The following GRAMD4 variants were observed in gnomAD, a reference collection of about 807,000 sequenced individuals.
GRAMD4 encodes GRAM domain-containing protein 4.
Under a neutral mutation model 83.9 loss-of-function variants are expected in GRAMD4, and 25 were observed. That is an observed-to-expected ratio of 0.30 (90% CI 0.22 to 0.42). The LOEUF is 0.42. GRAMD4 is among the 10% of genes least tolerant of loss of function. GRAMD4 has a pLI of 1.00. For synonymous variants in GRAMD4, 336 were observed against 320.9 expected, an observed-to-expected ratio of 1.05 and a Z score of -0.50; for missense variants, 593 against 788.7, an observed-to-expected ratio of 0.75 and a Z score of 2.97.
intron 3 of GRAMD4, among the ~76,000 whole-genome samples, chr22:46,640,258 G>T (rs2081956508): frequency 6.6e-6 from 1 of 152,168 alleles, no homozygotes; most frequent in Non-Finnish European, 1.5e-5. Flanking sequence ...CACTTTCAGG[G>T]AGCAGGTGCT....
At chr22:46,592,866 A>G (rs868684079) in intron 1 of GRAMD4, among the ~76,000 whole-genome samples, 9 of 152,308 alleles carry the variant, frequency 5.9e-5, no homozygotes, top group Middle Eastern at 6.8e-3. Context: ...AATTTTGGCA[A>G]TAAAAAGAGC....
At chr22:46,669,465 G>A (rs928329958) in intron 13 of GRAMD4, among the ~76,000 whole-genome samples, 2 of 152,246 alleles carry the variant, frequency 1.3e-5, no homozygotes, top group South Asian at 4.1e-4. Flanking sequence ...CCCAGGAGGC[G>A]CTCATCCACT....
intron 1 of GRAMD4, among the ~76,000 whole-genome samples, chr22:46,624,965 A>G (rs2081633622): frequency 6.8e-6 from 1 of 147,618 alleles, no homozygotes; most frequent in Admixed American, 6.9e-5. Flanking sequence ...GGTTCATGCC[A>G]TTCTCCTGCC....
At chr22:46,607,476 C>T (rs924340987) in intron 1 of GRAMD4, among the ~76,000 whole-genome samples, 9 of 152,234 alleles carry the variant, frequency 5.9e-5, no homozygotes, top group Middle Eastern at 3.4e-3. Context: ...GAGTCAGGTG[C>T]GGCCAGGAGG....
At chr22:46,675,358 C>T (rs1223940091) in intron 16 of GRAMD4, 110 bp from the exon 17 acceptor site, 2 of 763,382 alleles carry the variant, frequency 2.6e-6, no homozygotes, top group Non-Finnish European at 4.8e-6. Flanking sequence ...GAAGGGAGCA[C>T]CACTGTCCAT....
At chr22:46,577,300 G>A in intron 1 of GRAMD4, 1 of 980,144 alleles carries the variant, frequency 1.0e-6, no homozygotes, top group Middle Eastern at 5.2e-4. Context: ...GGTAAGCGGC[G>A]CGCGCGGACA....
intron 1 of GRAMD4, among the ~76,000 whole-genome samples, chr22:46,583,175 C>T (rs1055365942): frequency 2.0e-5 from 3 of 152,208 alleles, no homozygotes; most frequent in African/African-American, 4.8e-5. Flanking sequence ...CCATTCGCTT[C>T]GGTCTCTCAA....
intron 1 of GRAMD4, among the ~76,000 whole-genome samples, chr22:46,625,744 C>G (rs184390782): frequency 6.6e-6 from 1 of 152,354 alleles, no homozygotes; most frequent in East Asian, 1.9e-4. Flanking sequence ...CCTCTCCCTG[C>G]CTGGCTGGCC....
chr22:46,671,424 A>T (rs548304797), intron 13 of GRAMD4, among the ~76,000 whole-genome samples: 448 of 152,268 alleles, frequency 2.9e-3, no homozygotes, highest in African/African-American at 0.01. Flanking sequence ...CAGTGAGCTG[A>T]GATCGCGCCA....
intron 1 of GRAMD4, among the ~76,000 whole-genome samples, chr22:46,598,399 T>A (rs536520098): frequency 1.1e-3 from 163 of 151,494 alleles, no homozygotes; most frequent in Non-Finnish European, 1.8e-3. Flanking sequence ...GAGGGAGGGG[T>A]GGATGGACTG....
intron 3 of GRAMD4, among the ~76,000 whole-genome samples, chr22:46,643,291 CCATT>C (rs2082016531): frequency 1.4e-5 from 2 of 140,020 alleles, no homozygotes; most frequent in Admixed American, 7.1e-5. Context: ...ATCCATCCAT[CCATT>C]CATCCATCCA....
rs537990532 is a variant in GRAMD4, at chr22:46,664,766, G to A, written c.717+649G>A. On this transcript the variant is annotated intron_variant, in intron 8 of 18. Transcript: ENST00000406902. ...GCCCACCTGCTTGCTAGGGCCTCCAGGCCAGAGAGGAGGCGTCCACAGCCT... is the reference window on the plus strand; with the variant it reads ...GCCCACCTGCTTGCTAGGGCCTCCAAGCCAGAGAGGAGGCGTCCACAGCCT... Among the ~76,000 whole-genome samples, 3 of 152,358 alleles carry A rather than the reference G, an allele frequency of 2.0e-5. No individual in the cohort carries two copies. The South Asian group carries it at 6.2e-4, about 32-fold the overall frequency.
At chr22:46,580,569 G>T (rs1389323052) in intron 1 of GRAMD4, among the ~76,000 whole-genome samples, 3 of 152,226 alleles carry the variant, frequency 2.0e-5, no homozygotes, top group African/African-American at 7.2e-5. Context: ...AGGCCAGCCT[G>T]TCACCTGCTT....
chr22:46,588,789 G>A (rs1279886684), intron 1 of GRAMD4, among the ~76,000 whole-genome samples: 4 of 151,124 alleles, frequency 2.6e-5, no homozygotes, highest in Admixed American at 2.0e-4. Context: ...CACTGGCGTC[G>A]GTCCGGGCTG....
At position 46,630,643 on chromosome 22, in the gene GRAMD4, C is replaced by T. The variant is rs373796482; in HGVS notation, c.162+3682C>T. 1.6e-4 allele frequency among the ~76,000 whole-genome samples: 25 copies of T among 152,328 alleles called. No homozygotes were observed. In the East Asian group the frequency reaches 4.4e-3, roughly 27 times the overall value. ...TCCAGGAGCTCTTCCGTGGCGGACC[C>T]CAAGCAGCCTCACTCCTGGCAGCGG... On this transcript the variant is annotated intron_variant, in intron 2 of 18. Coordinates refer to ENST00000406902, the MANE Select transcript of GRAMD4 (RefSeq NM_015124.5).
rs1159422819 is a variant in GRAMD4, at chr22:46,675,529, G to A, written c.1540G>A (p.Val514Met). The change falls in exon 17 of 19, where the codon GTG becomes ATG. Residue 514 changes from valine (V) to methionine (M), a missense_variant. Physicochemically the swap from Val to Met is conservative, Grantham distance 21 (BLOSUM62 1). Transcript: ENST00000406902. ...SSKRNKVIKL[V>M]DITDIQKYKV... ...AAAGAGGAACAAAGTCATCAAGCTAGTGGACATCACGGACATCCAGAAGGT... is the reference window on the plus strand; with the variant it reads ...AAAGAGGAACAAAGTCATCAAGCTAATGGACATCACGGACATCCAGAAGGT... 6.2e-7 allele frequency: 1 copy of A among 1,612,406 alleles called. No homozygotes were observed. Among genetic ancestry groups the A allele is most frequent in the Non-Finnish European group, 8.5e-7 (1 of 1,178,622 alleles).
chr22:46,663,010 G>A (rs757143449), intron 5 of GRAMD4, 30 bp from the exon 6 acceptor site: 35 of 1,579,448 alleles, frequency 2.2e-5, no homozygotes, highest in Non-Finnish European at 2.6e-5. Flanking sequence ...CAGCCCTGCC[G>A]TGCCCTCACC....
chr22:46,628,109 G>C (rs182945394), intron 2 of GRAMD4, among the ~76,000 whole-genome samples: 4 of 152,358 alleles, frequency 2.6e-5, no homozygotes, highest in South Asian at 4.1e-4. Context: ...TCTGTGTGCT[G>C]AGCATGTGGT....
intron 1 of GRAMD4, 52 bp from the exon 2 acceptor site, chr22:46,626,699 C>T (rs962903529): frequency 1.4e-5 from 17 of 1,209,258 alleles, no homozygotes; most frequent in East Asian, 4.7e-5. Flanking sequence ...GGAGCTGGCT[C>T]GTGGGGCTTG....
Sources: allele counts gnomAD v4.1 joint callset (sites outside exome capture counted in the v4.1 genomes callset), GRCh38; gene constraint gnomAD v4.1.1; transcripts MANE v1.5; gene names NCBI Gene and HGNC (gene_info 2026-07-23, HGNC 2026-07-21).